PUS7: variants seen among roughly 807,000 people sequenced by gnomAD.
The protein encoded by PUS7 is pseudouridine synthase 7.
PUS7 carries 48 observed loss-of-function variants against 79.8 expected under a neutral mutation model. The ratio of observed to expected loss-of-function variants is 0.60; its 90% CI spans 0.48 to 0.76. The LOEUF (loss-of-function observed/expected upper bound fraction) is 0.76, where lower values mean the gene tolerates loss of function less well. Ranked by LOEUF, PUS7 falls within the 30% of genes least tolerant of loss-of-function variation. PUS7 has a pLI of 0.00. For synonymous variants in PUS7, 286 were observed against 272.2 expected (o/e 1.05, Z -0.50); for missense variants, 729 against 797.6 (o/e 0.91, Z 1.04).
intron 2 of PUS7, among the ~76,000 whole-genome samples, 162 bp from the exon 3 acceptor site, chr7:105,506,435 T>C (rs1187543935): frequency 6.6e-6 from 1 of 152,040 alleles, no homozygotes; most frequent in Non-Finnish European, 1.5e-5. Context: ...TTTCTTTTTT[T>C]TTTTTGAGAT....
chr7:105,494,686 G>C lies in PUS7; in HGVS notation c.842+456C>G, dbSNP rs1319235240. Among the ~76,000 whole-genome samples the C allele has an allele frequency of 2.6e-5, 4 of 151,960 alleles. No individual in the cohort carries two copies. In the East Asian group the frequency reaches 5.8e-4, roughly 22 times the overall value. On this transcript the variant is annotated intron_variant, in intron 6 of 15. Coordinates refer to ENST00000469408, the MANE Select transcript of PUS7 (RefSeq NM_019042.5). Reference sequence around the variant, plus strand: ...GCCTCCCAAAGTGCTGGAATTACAGGTGTGAGCCACTGCGCCAGGCCGATC... The same window carrying C: ...GCCTCCCAAAGTGCTGGAATTACAGCTGTGAGCCACTGCGCCAGGCCGATC...
At chr7:105,492,400 C>A (rs536854896) in intron 6 of PUS7, among the ~76,000 whole-genome samples, 4 of 152,144 alleles carry the variant, frequency 2.6e-5, no homozygotes, top group Non-Finnish European at 4.4e-5. Context: ...TCTTGGCTCA[C>A]TGCAACCTCT....
intron 3 of PUS7, 36 bp from the exon 4 acceptor site, chr7:105,506,092 A>C: frequency 6.3e-7 from 1 of 1,582,674 alleles, no homozygotes. Flanking sequence ...AATGAATCAT[A>C]CATAGAATTC....
At chr7:105,517,946 G>A (rs1015206260) in intron 1 of PUS7, among the ~76,000 whole-genome samples, 3 of 152,256 alleles carry the variant, frequency 2.0e-5, no homozygotes, top group Non-Finnish European at 1.5e-5. Context: ...TCAAAAGTTC[G>A]AAATCAGCCT....
Position 105,502,657 on chromosome 7 carries a change from T to C in PUS7, c.586-93A>G, listed in dbSNP as rs956999945. On this transcript the variant is annotated intron_variant, in intron 4 of 15. Transcript: ENST00000469408. ...ATTAGTAAAAACACTGCTCACCTTA[T>C]TAACTACGCAAAATAACAAAAGTGC... The C allele has an allele frequency of 7.4e-6, 10 of 1,355,452 alleles. No homozygotes were observed. In the Admixed American group the frequency reaches 1.3e-4, roughly 18 times the overall value. The allele number at this position is 1,355,452 out of a possible 1,614,324, so 84.0% of individuals were successfully genotyped here.
intron 9 of PUS7, among the ~76,000 whole-genome samples, chr7:105,479,975 G>A (rs1017673012): frequency 6.6e-6 from 1 of 151,388 alleles, no homozygotes; most frequent in South Asian, 2.1e-4. Context: ...TCCAGCCTGG[G>A]CAACAGCAAG....
intron 7 of PUS7, among the ~76,000 whole-genome samples, chr7:105,483,411 C>T (rs988582865): frequency 3.9e-5 from 6 of 151,948 alleles, no homozygotes; most frequent in Non-Finnish European, 7.4e-5. Flanking sequence ...GTGATCCGCC[C>T]GCCTCGGCCT....
At chr7:105,468,258 C>A (rs1823737191) in intron 12 of PUS7, 79 bp downstream of exon 12, 1 of 1,531,470 alleles carries the variant, frequency 6.5e-7, no homozygotes, top group African/African-American at 1.4e-5. Context: ...AATTAATAGC[C>A]AGGATGGATT....
chr7:105,483,032 T>C (rs1374549514), intron 7 of PUS7, among the ~76,000 whole-genome samples: 1 of 152,194 alleles, frequency 6.6e-6, no homozygotes. Context: ...TGTATCATGC[T>C]GCTATCAATA....
chr7:105,469,512 T>A (rs759598762), intron 11 of PUS7, among the ~76,000 whole-genome samples: 7 of 152,216 alleles, frequency 4.6e-5, no homozygotes, highest in Non-Finnish European at 7.3e-5. Flanking sequence ...CAGGCTGGAG[T>A]GCAATGGTGC....
intron 1 of PUS7, among the ~76,000 whole-genome samples, chr7:105,514,735 G>C (rs1037990982): frequency 6.6e-6 from 1 of 152,112 alleles, no homozygotes; most frequent in African/African-American, 2.4e-5. Flanking sequence ...TTGTTTTTCA[G>C]ATTACAGATT....
intron 8 of PUS7, among the ~76,000 whole-genome samples, chr7:105,481,590 G>A (rs996431908): frequency 2.6e-5 from 4 of 151,892 alleles, no homozygotes; most frequent in African/African-American, 7.3e-5. Context: ...ATTTTTTCCC[G>A]TTTCCAAAAT....
At chr7:105,473,547 T>C (rs1328523467) in intron 9 of PUS7, among the ~76,000 whole-genome samples, 2 of 151,590 alleles carry the variant, frequency 1.3e-5, no homozygotes, top group Admixed American at 6.6e-5. Flanking sequence ...GTCTCCCAAA[T>C]AGCTGAGATT....
At chr7:105,482,501 C>T (rs1824366346) in intron 7 of PUS7, 61 bp from the exon 8 acceptor site, 1 of 1,496,544 alleles carries the variant, frequency 6.7e-7, no homozygotes, top group Admixed American at 1.9e-5. Context: ...TCATGAGATA[C>T]TGATTGTCTG....
At chr7:105,493,158 GTTA>G (rs1824867136) in intron 6 of PUS7, among the ~76,000 whole-genome samples, 1 of 152,136 alleles carries the variant, frequency 6.6e-6, no homozygotes, top group African/African-American at 2.4e-5. Flanking sequence ...TTTTTAAAAA[GTTA>G]TTGTGTGAAT....
In PUS7 at chr7:105,506,260, C is replaced by T. The variant is rs764174199; in HGVS notation, c.412G>A (p.Val138Ile). 28 of 1,611,382 alleles carry T rather than the reference C, an allele frequency of 1.7e-5. No homozygotes were observed. Among genetic ancestry groups the T allele is most frequent in the East Asian group, 1.6e-4 (7 of 44,828 alleles). ...CCATCTTTTCCTATTTCATGAACAA[C>T]GAAGTCGGAGTATCTGATGAAAGAA... ...GILKERYSDF[V>I]VHEIGKDGRI... Residue 138 changes from valine (V) to isoleucine (I), a missense_variant, in exon 3 of 16, where the codon GTT becomes ATT. Coordinates refer to ENST00000469408, the MANE Select transcript of PUS7 (RefSeq NM_019042.5).
At chr7:105,475,535 G>A (rs967672426) in intron 9 of PUS7, among the ~76,000 whole-genome samples, 12 of 151,772 alleles carry the variant, frequency 7.9e-5, no homozygotes, top group African/African-American at 2.9e-4. Context: ...TGTTAGCTAG[G>A]ATGGTCTCGA....
intron 1 of PUS7, among the ~76,000 whole-genome samples, chr7:105,511,489 G>A (rs182887294): frequency 5.5e-4 from 83 of 150,458 alleles, no homozygotes; most frequent in Non-Finnish European, 9.3e-4. Flanking sequence ...CAGGCCAGGC[G>A]CATGGCTCAT....
In PUS7 at chr7:105,481,185, G is replaced by T; in HGVS notation, c.1050-8C>A. 4 of 1,602,566 alleles carry T rather than the reference G, an allele frequency of 2.5e-6. No individual in the cohort carries two copies. The highest frequency in any genetic ancestry group is 3.4e-6 in the Non-Finnish European group (4 of 1,175,498). ...TCAGTTCCTGTTATATTTCTACAGGGACACAAATTATCCAGAGGAAAAAAA... is the reference window on the plus strand; with the variant it reads ...TCAGTTCCTGTTATATTTCTACAGGTACACAAATTATCCAGAGGAAAAAAA... On this transcript the variant is annotated splice_region_variant and splice_polypyrimidine_tract_variant and intron_variant, in intron 8 of 15. Coordinates refer to ENST00000469408, the MANE Select transcript of PUS7 (RefSeq NM_019042.5).
Sources: gnomAD v4.1 joint callset for allele counts (sites outside exome capture counted in the v4.1 genomes callset) on GRCh38, gnomAD v4.1.1 for gene constraint, MANE v1.5 for transcripts, NCBI Gene and HGNC (gene_info 2026-07-23, HGNC 2026-07-21) for gene names.